Variants in DOCK3 observed in about 807,000 individuals in gnomAD.
DOCK3 encodes the protein dedicator of cytokinesis protein 3.
Under a neutral mutation model 265.6 loss-of-function variants are expected in DOCK3, and 60 were observed. The observed-to-expected ratio is 0.23, with a 90% CI of 0.18 to 0.28. The LOEUF is 0.28. Ranked by LOEUF, DOCK3 falls within the 10% of genes least tolerant of loss-of-function variation. The pLI is 1.00. For synonymous variants in DOCK3, 881 were observed against 938.0 expected, an observed-to-expected ratio of 0.94 and a Z score of 1.11; for missense variants, 1,981 against 2,594.3, an observed-to-expected ratio of 0.76 and a Z score of 5.14.
At chr3:51,270,007 T>A (rs2080414494) in intron 23 of DOCK3, among the ~76,000 whole-genome samples, 1 of 152,176 alleles carries the variant, frequency 6.6e-6, no homozygotes, top group Admixed American at 6.5e-5. Flanking sequence ...CTTTTTCCTA[T>A]AGTGCTCTGC....
At chr3:51,143,176 C>T (rs551592333) in intron 9 of DOCK3, among the ~76,000 whole-genome samples, 12 of 151,716 alleles carry the variant, frequency 7.9e-5, no homozygotes, top group Admixed American at 6.6e-4. Flanking sequence ...CGTGAGCCAC[C>T]GTGCCCGGCT....
chr3:51,240,932 C>T (rs1482041203), intron 21 of DOCK3, among the ~76,000 whole-genome samples: 1 of 152,062 alleles, frequency 6.6e-6, no homozygotes, highest in Admixed American at 6.6e-5. Context: ...CATTTATATT[C>T]AAAGTTAGTA....
At chr3:50,777,201 G>GT (rs913245908) in intron 1 of DOCK3, among the ~76,000 whole-genome samples, 21 of 150,870 alleles carry the variant, frequency 1.4e-4, no homozygotes, top group South Asian at 1.1e-3. Context: ...CCATATCAGT[G>GT]TTTTTTTTTC....
At position 51,384,066 on chromosome 3, in the gene DOCK3, T is replaced by A. The variant is rs1014382700; in HGVS notation, c.*2507T>A. ...CCAAGAGGTATTTTACTGTATATAT[T>A]GTGGTAGCATGTTCAAAATCCAACA... is the stretch of plus-strand genomic sequence containing the variant. On this transcript the variant is annotated 3_prime_UTR_variant, in exon 53 of 53. Transcript: ENST00000266037. The A allele has an allele frequency of 6.6e-6, 1 of 152,636 alleles. No homozygotes were observed. The highest frequency in any genetic ancestry group is 1.5e-5 in the Non-Finnish European group (1 of 68,034). The allele number at this position is 152,636 out of a possible 1,614,324, so 9.5% of individuals were successfully genotyped here.
intron 31 of DOCK3, among the ~76,000 whole-genome samples, chr3:51,313,569 T>C (rs1348155912): frequency 6.6e-6 from 1 of 152,182 alleles, no homozygotes; most frequent in Non-Finnish European, 1.5e-5. Flanking sequence ...TCCTGTGATA[T>C]TGTAGAGTTC....
intron 5 of DOCK3, among the ~76,000 whole-genome samples, chr3:50,992,201 A>G (rs1380162072): frequency 6.6e-6 from 1 of 152,230 alleles, no homozygotes; most frequent in Non-Finnish European, 1.5e-5. Flanking sequence ...GCAAGAACAA[A>G]TCAGCCTCAA....
At chr3:50,896,998 G>A (rs2048925833) in intron 4 of DOCK3, among the ~76,000 whole-genome samples, 2 of 152,278 alleles carry the variant, frequency 1.3e-5, no homozygotes, top group South Asian at 4.1e-4. Flanking sequence ...GAAATTTAAA[G>A]TAGTTTTTTT....
At chr3:50,779,362 C>T (rs1347011065) in intron 2 of DOCK3, among the ~76,000 whole-genome samples, 1 of 151,964 alleles carries the variant, frequency 6.6e-6, no homozygotes, top group Non-Finnish European at 1.5e-5. Flanking sequence ...AGAACAGGTC[C>T]TCAAATTTTT....
At position 51,190,651 on chromosome 3, in the gene DOCK3, C is replaced by T. The variant is rs111772329; in HGVS notation, c.1038-18123C>T. ...AGGAGATGGCACTAGGAAAAGAGCACCACCTGCTGTAGTAGCAGTGGGATT... is the reference window on the plus strand; with the variant it reads ...AGGAGATGGCACTAGGAAAAGAGCATCACCTGCTGTAGTAGCAGTGGGATT... On this transcript the variant is annotated intron_variant, in intron 12 of 52. Coordinates refer to ENST00000266037, the MANE Select transcript of DOCK3 (RefSeq NM_004947.5). 4.6e-5 allele frequency among the ~76,000 whole-genome samples: 7 copies of T among 152,310 alleles called. 2 individuals are homozygous for T. Among genetic ancestry groups the T allele is most frequent in the African/African-American group, 1.7e-4 (7 of 41,572 alleles).
chr3:51,016,571 A>G (rs2079268637), intron 5 of DOCK3, among the ~76,000 whole-genome samples: 1 of 90,292 alleles, frequency 1.1e-5, no homozygotes, highest in Non-Finnish European at 1.9e-5. Flanking sequence ...TATTATATAT[A>G]TATTTATATA....
chr3:51,372,886 C>T (rs1299128740), intron 49 of DOCK3, among the ~76,000 whole-genome samples: 2 of 152,180 alleles, frequency 1.3e-5, no homozygotes, highest in African/African-American at 4.8e-5. Flanking sequence ...CCTAAGAGTA[C>T]AGGTTCTAAA....
At chr3:51,085,238 A>G (rs2082378157) in intron 7 of DOCK3, among the ~76,000 whole-genome samples, 1 of 152,244 alleles carries the variant, frequency 6.6e-6, no homozygotes, top group Non-Finnish European at 1.5e-5. Context: ...TGGGGACTTC[A>G]GCATTACACT....
intron 1 of DOCK3, among the ~76,000 whole-genome samples, chr3:50,770,582 G>GA (rs892827712): frequency 5.0e-4 from 75 of 150,800 alleles, no homozygotes; most frequent in Admixed American, 9.9e-4. Flanking sequence ...CACAAAAATA[G>GA]AAAAAAAAAT....
At chr3:50,943,515 A>G (rs971339427) in intron 5 of DOCK3, among the ~76,000 whole-genome samples, 4 of 152,114 alleles carry the variant, frequency 2.6e-5, no homozygotes, top group African/African-American at 9.7e-5. Flanking sequence ...GATTAAGACA[A>G]TGTACCAAAA....
chr3:50,719,610 C>G, intron 1 of DOCK3: 1 of 1,528,238 alleles, frequency 6.5e-7, no homozygotes, highest in East Asian at 2.3e-5. Flanking sequence ...TGCTTGCCAT[C>G]CAACCACTGA....
At chr3:51,093,357 T>C (rs1171580832) in intron 9 of DOCK3, among the ~76,000 whole-genome samples, 3 of 152,236 alleles carry the variant, frequency 2.0e-5, no homozygotes, top group Non-Finnish European at 4.4e-5. Flanking sequence ...CTGATTTCCT[T>C]GAGCAGTGGT....
At chr3:51,255,986 C>T (rs935013339) in intron 22 of DOCK3, among the ~76,000 whole-genome samples, 7 of 152,046 alleles carry the variant, frequency 4.6e-5, no homozygotes, top group Admixed American at 4.6e-4. Flanking sequence ...TTTGGTTTCT[C>T]CCCATCTTTG....
chr3:51,342,934 A>G (rs1309740344), intron 38 of DOCK3, among the ~76,000 whole-genome samples: 1 of 152,140 alleles, frequency 6.6e-6, no homozygotes, highest in African/African-American at 2.4e-5. Flanking sequence ...GAGCCCCCTC[A>G]TGAGCTCATC....
chr3:50,905,693 T>A (rs1488620907), intron 4 of DOCK3, among the ~76,000 whole-genome samples: 2 of 152,068 alleles, frequency 1.3e-5, no homozygotes, highest in Non-Finnish European at 2.9e-5. Flanking sequence ...AAATATACAA[T>A]CATGTCATCT....
Sources: gnomAD v4.1 joint callset for allele counts (sites outside exome capture counted in the v4.1 genomes callset) on GRCh38, gnomAD v4.1.1 for gene constraint, MANE v1.5 for transcripts, NCBI Gene and HGNC (gene_info 2026-07-23, HGNC 2026-07-21) for gene names.